The following USP39 variants were observed in gnomAD, a reference collection of about 807,000 sequenced individuals.
USP39 encodes the protein ubiquitin specific peptidase 39.
A neutral mutation model predicts 66.4 loss-of-function variants in USP39; 38 were observed. The observed-to-expected ratio is 0.57, with a 90% CI of 0.44 to 0.75. The LOEUF is 0.75. Among genes scored for constraint, USP39 ranks in the 30% least tolerant of loss-of-function variants. USP39 has a pLI of 0.00. For synonymous variants in USP39, 303 were observed against 274.6 expected, an observed-to-expected ratio of 1.10 and a Z score of -1.02; for missense variants, 608 against 714.4, an observed-to-expected ratio of 0.85 and a Z score of 1.70.
Position 85,625,595 on chromosome 2 carries a change from C to T in USP39, c.627C>T (p.Ala209=), listed in dbSNP as rs1674791408. 1 of 1,614,002 alleles carries T rather than the reference C, an allele frequency of 6.2e-7. No individual in the cohort carries two copies. The highest frequency in any genetic ancestry group is 1.7e-5 in the Admixed American group (1 of 59,996). Residue 209 remains alanine, a synonymous_variant, in exon 5 of 13, where the codon GCC becomes GCT. Transcript: ENST00000323701. ...AAATTGCAAACTTGGACAAGCAAGCCAAATTGTCCCGGGCATATGATGGTA... is the reference window on the plus strand; with the variant it reads ...AAATTGCAAACTTGGACAAGCAAGCTAAATTGTCCCGGGCATATGATGGTA... The part of the protein sequence containing the change: ...KQQIANLDKQ[A]KLSRAYDGTT...
At chr2:85,621,239 G>A in intron 2 of USP39, 1 of 387,310 alleles carries the variant, frequency 2.6e-6, no homozygotes, top group South Asian at 4.2e-5. Context: ...TCCTGAACTG[G>A]TTACAAACAC....
Position 85,619,260 on chromosome 2 carries a change from C to T in USP39, c.309C>T (p.Arg103=). The T allele has an allele frequency of 1.9e-6, 3 of 1,613,888 alleles. No homozygotes were observed. The highest frequency in any genetic ancestry group is 2.5e-6 in the Non-Finnish European group (3 of 1,179,974). ...TGGATTCTGAGGACCGGAGGAGCCG[C>T]CACTGCCCGTACCTGGACACCATTA... The part of the protein sequence containing the change: ...GRVDSEDRRS[R]HCPYLDTINR... Residue 103 remains arginine, a synonymous_variant, in exon 2 of 13, where the codon CGC becomes CGT. Transcript: ENST00000323701.
At chr2:85,647,089 G>C (rs543260713) in intron 11 of USP39, among the ~76,000 whole-genome samples, 5 of 152,086 alleles carry the variant, frequency 3.3e-5, no homozygotes, top group South Asian at 2.1e-4. Context: ...GGGTTTTACT[G>C]TGTTGGCCAG....
At chr2:85,609,077 G>T, upstream of USP39, 2 of 1,613,902 alleles carry the variant, frequency 1.2e-6, no homozygotes, top group Non-Finnish European at 1.7e-6. Flanking sequence ...CCTACGTGGA[G>T]GAAGAGTCAG....
upstream of USP39, chr2:85,611,799 G>A (rs761266019): frequency 5.0e-6 from 8 of 1,610,296 alleles, no homozygotes; most frequent in South Asian, 3.3e-5. Flanking sequence ...GCGGGGAGCC[G>A]AGCGGGAGTC....
intron 5 of USP39, among the ~76,000 whole-genome samples, chr2:85,627,037 G>T (rs1374945007): frequency 6.7e-6 from 1 of 149,792 alleles, no homozygotes; most frequent in South Asian, 2.1e-4. Context: ...ATGAGCCACC[G>T]TGCCCATCCC....
chr2:85,634,679 G>A (rs1675623451), intron 6 of USP39, among the ~76,000 whole-genome samples: 1 of 152,182 alleles, frequency 6.6e-6, no homozygotes, highest in South Asian at 2.1e-4. Context: ...AGGTTATCTT[G>A]TGTTTATAGA....
At chr2:85,620,221 CTG>C (rs1674354839) in intron 2 of USP39, among the ~76,000 whole-genome samples, 1 of 151,724 alleles carries the variant, frequency 6.6e-6, no homozygotes, top group Admixed American at 6.6e-5. Flanking sequence ...TGGCTCATGC[CTG>C]TAATCCCAGC....
In USP39 at chr2:85,648,759, A is replaced by T. The variant is rs1676835647; in HGVS notation, c.1651-2A>T. 6.2e-7 allele frequency: 1 copy of T among 1,613,906 alleles called. No homozygotes were observed. The highest frequency in any genetic ancestry group is 1.3e-5 in the African/African-American group (1 of 74,912). Reference sequence around the variant, plus strand: ...TTCAGTTTGTGTTTTCATTTCTTACAGATTTGGAAGAGGCGAGATAATGAT... The same window carrying T: ...TTCAGTTTGTGTTTTCATTTCTTACTGATTTGGAAGAGGCGAGATAATGAT... On this transcript the variant is annotated splice_acceptor_variant, in intron 12 of 12. Coordinates refer to ENST00000323701, the MANE Select transcript of USP39 (RefSeq NM_006590.4). LOFTEE classifies it high-confidence loss of function.
chr2:85,642,914 C>T (rs757860015), intron 10 of USP39, among the ~76,000 whole-genome samples: 3 of 151,892 alleles, frequency 2.0e-5, no homozygotes, highest in Non-Finnish European at 4.4e-5. Flanking sequence ...CTTAACTGGT[C>T]TGTTGCTGTG....
intron 9 of USP39, chr2:85,639,611 T>C (rs1456954139): frequency 3.3e-5 from 14 of 418,378 alleles, no homozygotes; most frequent in Non-Finnish European, 4.6e-5. Context: ...TCCGCCACCA[T>C]GACTGGCTAA....
In USP39 at chr2:85,623,753, A is replaced by T; in HGVS notation, c.541A>T (p.Ile181Phe). Residue 181 changes from isoleucine to phenylalanine, a missense_variant, in exon 4 of 13, where the codon ATC (isoleucine) becomes TTC (phenylalanine). Coordinates refer to ENST00000323701, the MANE Select transcript of USP39 (RefSeq NM_006590.4). ...KFYCLPDNYE[I>F]IDSSLEDITY... The stretch of plus-strand genomic sequence containing the variant: ...TTACTGCCTTCCAGACAACTATGAG[A>T]TCATCGATTCCTCATTGGAGGATAT... The T allele has an allele frequency of 6.2e-7, 1 of 1,613,324 alleles. No homozygotes were observed. Among genetic ancestry groups the T allele is most frequent in the Non-Finnish European group, 8.5e-7 (1 of 1,179,732 alleles).
upstream of USP39, among the ~76,000 whole-genome samples, chr2:85,612,580 G>C (rs1412401580): frequency 1.3e-5 from 2 of 152,222 alleles, no homozygotes; most frequent in Non-Finnish European, 2.9e-5. Flanking sequence ...TCACGGCGCC[G>C]ATGGCTTAAC....
upstream of USP39, chr2:85,612,072 G>C (rs1673589630): frequency 1.8e-6 from 2 of 1,099,688 alleles, no homozygotes; most frequent in African/African-American, 3.2e-5. Context: ...CCCTTGCTCA[G>C]CTTCCGGCCC....
Position 85,625,591 on chromosome 2 carries a change from A to G in USP39, c.623A>G (p.Gln208Arg), listed in dbSNP as rs1674791245. 1 of 1,614,030 alleles carries G rather than the reference A, an allele frequency of 6.2e-7. No homozygotes were observed. The highest frequency in any genetic ancestry group is 1.3e-5 in the African/African-American group (1 of 74,928). Residue 208 changes from glutamine (Q) to arginine (R), a missense_variant, in exon 5 of 13, where the codon CAA becomes CGA. Gln to Arg is a conservative substitution (Grantham distance 43). Transcript: ENST00000323701. Reference sequence around the variant, plus strand: ...CAGCAAATTGCAAACTTGGACAAGCAAGCCAAATTGTCCCGGGCATATGAT... The same window carrying G: ...CAGCAAATTGCAAACTTGGACAAGCGAGCCAAATTGTCCCGGGCATATGAT... ...TKQQIANLDK[Q>R]AKLSRAYDGT...
intron 1 of USP39, among the ~76,000 whole-genome samples, chr2:85,617,726 C>CT (rs1391029106): frequency 6.6e-6 from 1 of 152,210 alleles, no homozygotes; most frequent in African/African-American, 2.4e-5. Context: ...TGCATGGGTT[C>CT]TCCTCACTTT....
chr2:85,606,356 AT>A (rs1045732000), intron 1 of USP39, among the ~76,000 whole-genome samples: 6 of 152,208 alleles, frequency 3.9e-5, no homozygotes, highest in African/African-American at 1.4e-4. Flanking sequence ...GAAAACACTA[AT>A]TTTTGAAAGA....
chr2:85,623,611 G>A, intron 3 of USP39, 35 bp from the exon 4 acceptor site: 6 of 1,600,240 alleles, frequency 3.7e-6, no homozygotes, highest in Non-Finnish European at 5.1e-6. Context: ...TCTAGTATCT[G>A]CCCTTCTATT....
At chr2:85,640,443 C>T (rs1676140389) in intron 9 of USP39, among the ~76,000 whole-genome samples, 1 of 151,712 alleles carries the variant, frequency 6.6e-6, no homozygotes. Context: ...TACATGCCAC[C>T]ATGCCCAGCT....
Sources: gnomAD v4.1 joint callset for allele counts (sites outside exome capture counted in the v4.1 genomes callset) on GRCh38, gnomAD v4.1.1 for gene constraint, MANE v1.5 for transcripts, NCBI Gene and HGNC (gene_info 2026-07-23, HGNC 2026-07-21) for gene names.